The following FSTL4 variants were observed in gnomAD, a reference collection of about 807,000 sequenced individuals.
FSTL4 encodes the protein follistatin-related protein 4.
In FSTL4, 28 loss-of-function variants were observed where a neutral mutation model predicts 78.2. The ratio of observed to expected loss-of-function variants is 0.36; its 90% CI spans 0.27 to 0.49. FSTL4 has a LOEUF of 0.49. Among genes scored for constraint, FSTL4 ranks in the 20% least tolerant of loss-of-function variants. The pLI, the probability that FSTL4 is intolerant of heterozygous loss-of-function variation, is 0.98. For synonymous variants in FSTL4, 422 were observed against 440.5 expected, an observed-to-expected ratio of 0.96 and a Z score of 0.53; for missense variants, 922 against 1,084.9, an observed-to-expected ratio of 0.85 and a Z score of 2.11.
intron 4 of FSTL4, among the ~76,000 whole-genome samples, chr5:133,399,800 GGCTCTCGTA>G (rs1485868023): frequency 3.3e-5 from 5 of 152,204 alleles, no homozygotes; most frequent in Non-Finnish European, 7.3e-5. Context: ...ACTCCAAGTG[GGCTCTCGTA>G]GCTCAGGCTA....
At chr5:133,507,961 A>C (rs1257509018) in intron 3 of FSTL4, among the ~76,000 whole-genome samples, 1 of 152,194 alleles carries the variant, frequency 6.6e-6, no homozygotes, top group African/African-American at 2.4e-5. Flanking sequence ...TTGCTTAATG[A>C]TGGGATCTGT....
chr5:133,829,744 C>G, the FSTL4 span, among the ~76,000 whole-genome samples: 1 of 152,202 alleles, frequency 6.6e-6, no homozygotes, highest in African/African-American at 2.4e-5. Context: ...CTTATGAAGT[C>G]TCTTATTCTC....
intron 14 of FSTL4, among the ~76,000 whole-genome samples, chr5:133,204,852 A>AAATCTT (rs1750443201): frequency 1.3e-5 from 2 of 151,228 alleles, no homozygotes; most frequent in Admixed American, 6.6e-5. Context: ...AAAAAAAAAA[A>AAATCTT]TCTTTCAGGC....
intron 4 of FSTL4, among the ~76,000 whole-genome samples, chr5:133,353,632 A>G (rs1468885827): frequency 1.3e-5 from 2 of 152,244 alleles, no homozygotes; most frequent in Non-Finnish European, 2.9e-5. Flanking sequence ...TACAATTTGG[A>G]TCAACATTTT....
chr5:133,336,339 T>A (rs1754462297), intron 4 of FSTL4, among the ~76,000 whole-genome samples: 2 of 152,222 alleles, frequency 1.3e-5, no homozygotes, highest in Admixed American at 6.5e-5. Flanking sequence ...AGGTGTGAAG[T>A]GGGTGGAGAA....
the FSTL4 span, among the ~76,000 whole-genome samples, chr5:133,841,831 G>A: frequency 2.6e-5 from 4 of 152,256 alleles, no homozygotes; most frequent in African/African-American, 9.6e-5. Flanking sequence ...TGCTGAGAGA[G>A]GAGGTGGAAG....
intron 3 of FSTL4, among the ~76,000 whole-genome samples, chr5:133,564,332 G>C (rs1277964098): frequency 6.6e-6 from 1 of 152,106 alleles, no homozygotes; most frequent in African/African-American, 2.4e-5. Context: ...AAGCTTACTT[G>C]AATTTTCTTC....
rs112199307 is a variant in FSTL4, at chr5:133,395,233, G to C, written c.409+5505C>G. 3.9e-3 allele frequency among the ~76,000 whole-genome samples: 587 copies of C among 152,282 alleles called. 4 individuals are homozygous for C. The highest frequency in any genetic ancestry group is 0.014 in the African/African-American group (563 of 41,566). On this transcript the variant is annotated intron_variant, in intron 4 of 15. Transcript: ENST00000265342. ...TTCGCTCTTTGCAATAAATATTGCT[G>C]CTGCTCACTCTTTGGGTCCGCACTG...
intron 4 of FSTL4, among the ~76,000 whole-genome samples, chr5:133,343,397 C>T (rs1192158825): frequency 6.6e-6 from 1 of 152,188 alleles, no homozygotes; most frequent in Non-Finnish European, 1.5e-5. Context: ...GGGAGGCTGG[C>T]CCACGGCCAC....
At chr5:133,418,889 C>A (rs982391734) in intron 3 of FSTL4, among the ~76,000 whole-genome samples, 2 of 152,180 alleles carry the variant, frequency 1.3e-5, no homozygotes, top group Admixed American at 6.5e-5. Context: ...GCTTTGTAAC[C>A]CTCCCTTTGC....
intron 4 of FSTL4, among the ~76,000 whole-genome samples, chr5:133,352,343 CACATATAT>C (rs1561683007): frequency 1.9e-4 from 25 of 132,428 alleles, no homozygotes; most frequent in African/African-American, 7.2e-4. Context: ...TATATATATA[CACATATAT>C]ATACACACAC....
chr5:133,308,615 G>A (rs1201726874), intron 6 of FSTL4, among the ~76,000 whole-genome samples: 2 of 152,226 alleles, frequency 1.3e-5, no homozygotes, highest in Non-Finnish European at 2.9e-5. Context: ...GGATAGTGGT[G>A]TGGTAAACGA....
intron 13 of FSTL4, among the ~76,000 whole-genome samples, chr5:133,214,961 A>G (rs1750860865): frequency 6.6e-6 from 1 of 152,074 alleles, no homozygotes; most frequent in East Asian, 1.9e-4. Flanking sequence ...CTTCCATATG[A>G]TTGCCTGTAT....
At chr5:133,485,680 T>C (rs1758118266) in intron 3 of FSTL4, among the ~76,000 whole-genome samples, 1 of 152,138 alleles carries the variant, frequency 6.6e-6, no homozygotes, top group Non-Finnish European at 1.5e-5. Context: ...CAGGAGGCAC[T>C]CCTTCAGGCT....
intron 3 of FSTL4, among the ~76,000 whole-genome samples, chr5:133,498,788 G>A (rs529677763): frequency 1.3e-5 from 2 of 151,482 alleles, no homozygotes; most frequent in Non-Finnish European, 2.9e-5. Context: ...GTTCTCATAA[G>A]TGACCATATT....
intron 3 of FSTL4, among the ~76,000 whole-genome samples, chr5:133,497,532 G>A (rs1758393109): frequency 6.6e-6 from 1 of 152,152 alleles, no homozygotes; most frequent in African/African-American, 2.4e-5. Context: ...CCTGAGGCTT[G>A]TTCCTTATCC....
intron 3 of FSTL4, among the ~76,000 whole-genome samples, chr5:133,430,486 AG>A (rs1756911004): frequency 6.6e-6 from 1 of 152,200 alleles, no homozygotes; most frequent in Admixed American, 6.5e-5. Context: ...GACTTGGGAG[AG>A]GAATAGCCAA....
chr5:133,583,451 G>C (rs980708281), intron 2 of FSTL4: 1 of 219,552 alleles, frequency 4.6e-6, no homozygotes, highest in Non-Finnish European at 9.4e-6. Context: ...CACCGTGCGC[G>C]AGCCGAAGCA....
chr5:133,335,781 C>G (rs1012653009), intron 4 of FSTL4, among the ~76,000 whole-genome samples: 30 of 151,964 alleles, frequency 2.0e-4, no homozygotes, highest in African/African-American at 7.3e-4. Flanking sequence ...TGATGCCCAC[C>G]AAGAAGATGG....
Sources: allele counts gnomAD v4.1 joint callset (sites outside exome capture counted in the v4.1 genomes callset), GRCh38; gene constraint gnomAD v4.1.1; transcripts MANE v1.5; gene names NCBI Gene and HGNC (gene_info 2026-07-23, HGNC 2026-07-21).